The following ADCY5 variants were observed in gnomAD, a reference collection of about 807,000 sequenced individuals.
ADCY5 encodes adenylate cyclase type 5.
A neutral mutation model predicts 119.7 loss-of-function variants in ADCY5; 30 were observed. The observed-to-expected ratio is 0.25, with a 90% CI of 0.19 to 0.34. The LOEUF (loss-of-function observed/expected upper bound fraction) is 0.34, where lower values mean the gene tolerates loss of function less well. ADCY5 is among the 10% of genes least tolerant of loss of function. The pLI is 1.00. For synonymous variants in ADCY5, 753 were observed against 762.2 expected, an observed-to-expected ratio of 0.99 and a Z score of 0.20; for missense variants, 1,324 against 1,775.2, an observed-to-expected ratio of 0.75 and a Z score of 4.57.
At chr3:123,338,665 C>T (rs140394241) in intron 3 of ADCY5, among the ~76,000 whole-genome samples, 11 of 152,348 alleles carry the variant, frequency 7.2e-5, no homozygotes, top group Admixed American at 6.5e-4. Context: ...TGGCTGTGCA[C>T]GCTTCCCTAA....
chr3:123,399,670 T>C (rs951848352), intron 1 of ADCY5, among the ~76,000 whole-genome samples: 3 of 152,262 alleles, frequency 2.0e-5, no homozygotes, highest in Non-Finnish European at 2.9e-5. Flanking sequence ...GCTTCTTCGA[T>C]AGATACCTCC....
intron 1 of ADCY5, among the ~76,000 whole-genome samples, chr3:123,372,383 C>T (rs72626340): frequency 0.12 from 19,015 of 152,196 alleles, 3,075 homozygotes; most frequent in African/African-American, 0.36. Flanking sequence ...CAATGCCCAA[C>T]TGGGCAGGCT....
intron 1 of ADCY5, among the ~76,000 whole-genome samples, chr3:123,371,013 C>T (rs567459144): frequency 1.1e-4 from 16 of 152,332 alleles, no homozygotes; most frequent in African/African-American, 1.4e-4. Context: ...GGACTAAGCC[C>T]AGAAACCAGA....
intron 1 of ADCY5, among the ~76,000 whole-genome samples, chr3:123,397,135 A>G (rs1400713771): frequency 6.6e-6 from 1 of 152,186 alleles, no homozygotes; most frequent in East Asian, 1.9e-4. Context: ...GGGTGGAACT[A>G]GGTGGAAGGG....
At chr3:123,390,312 G>A (rs993119998) in intron 1 of ADCY5, among the ~76,000 whole-genome samples, 8 of 152,120 alleles carry the variant, frequency 5.3e-5, no homozygotes, top group Admixed American at 2.6e-4. Context: ...CCCCTTGATT[G>A]CCCAGTTTGG....
intron 1 of ADCY5, among the ~76,000 whole-genome samples, chr3:123,382,275 T>C (rs1013690133): frequency 2.6e-5 from 4 of 152,214 alleles, no homozygotes; most frequent in Admixed American, 6.5e-5. Context: ...AAGTATGAAG[T>C]GTTGGTGAGA....
At chr3:123,414,781 T>G (rs1945146752) in intron 1 of ADCY5, among the ~76,000 whole-genome samples, 1 of 152,150 alleles carries the variant, frequency 6.6e-6, no homozygotes, top group East Asian at 1.9e-4. Context: ...GGTCTCAAAC[T>G]CTTGACCTCA....
At chr3:123,440,582 A>G (rs1020863248) in intron 1 of ADCY5, among the ~76,000 whole-genome samples, 7 of 149,380 alleles carry the variant, frequency 4.7e-5, no homozygotes, top group Non-Finnish European at 4.4e-5. Context: ...TTTAAGGCAC[A>G]CTCCCCTTCC....
Position 123,352,318 on chromosome 3 carries a change from G to C in ADCY5, c.1284+114C>G. On this transcript the variant is annotated intron_variant, in intron 2 of 20. Transcript: ENST00000462833. The surrounding 1 kb of genome is among the most constrained non-coding windows in gnomAD (Gnocchi z 4.8). ...TCCCCATGGGTTGGTCCCCTCCCGG[G>C]GAGTGGGGCTGGCAGCCGTAATAAG... The C allele has an allele frequency of 7.5e-7, 1 of 1,342,138 alleles. No individual in the cohort carries two copies. The highest frequency in any genetic ancestry group is 1.5e-5 in the African/African-American group (1 of 68,628). The allele number at this position is 1,342,138 out of a possible 1,614,324, so 83.1% of individuals were successfully genotyped here. A position where few individuals can be genotyped will look rare whatever the true frequency, so the allele number is the denominator to read the frequency against.
At chr3:123,289,233 T>C (rs956517645) in intron 19 of ADCY5, among the ~76,000 whole-genome samples, 6 of 152,288 alleles carry the variant, frequency 3.9e-5, no homozygotes, top group Admixed American at 3.3e-4. Context: ...AACATGTTTA[T>C]ACATTGTGTA....
Position 123,286,470 on chromosome 3 carries a change from TGCAGAA to T in ADCY5, c.3657+209_3657+214del, listed in dbSNP as rs771822423. Among the ~76,000 whole-genome samples, 2 of 152,230 alleles carry T rather than the reference TGCAGAA, an allele frequency of 1.3e-5. No individual in the cohort carries two copies. Among genetic ancestry groups the T allele is most frequent in the Non-Finnish European group, 2.9e-5 (2 of 68,032 alleles). On this transcript the variant is annotated intron_variant, in intron 20 of 20. Coordinates refer to ENST00000462833, the MANE Select transcript of ADCY5 (RefSeq NM_183357.3). This position sits in a 1 kb window ranked among gnomAD's most constrained non-coding sequence, Gnocchi z 4.2. ...CCCTTCCATGCCCAGTAGAGGGCTC[TGCAGAA>T]GCCTGAAGATCTGTCCAAGGTGCTG... is the stretch of plus-strand genomic sequence containing the variant.
chr3:123,372,445 G>A (rs1943673607), intron 1 of ADCY5, among the ~76,000 whole-genome samples: 1 of 152,198 alleles, frequency 6.6e-6, no homozygotes, highest in African/African-American at 2.4e-5. Flanking sequence ...CAAGGAGATA[G>A]GAGAGTGTCC....
chr3:123,426,304 TTTTTTGTTTG>T lies in ADCY5; in HGVS notation c.1134+21098_1134+21107del, dbSNP rs1945408776. ...TTCTTTTTCTTTTCTTTTGTGTTTT[TTTTTTGTTTG>T]TTTTTGTTTGTTTGTTTGTTTGTTT... On this transcript the variant is annotated intron_variant, in intron 1 of 20. Transcript: ENST00000462833. 2.5e-4 allele frequency among the ~76,000 whole-genome samples: 2 copies of T among 8,024 alleles called. 1 individual carries two copies. Among genetic ancestry groups the T allele is most frequent in the South Asian group, 0.043 (2 of 46 alleles). 5.3% of individuals were successfully genotyped at this position (8,024 alleles called of 152,430 possible).
intron 1 of ADCY5, among the ~76,000 whole-genome samples, chr3:123,439,041 T>G (rs938379523): frequency 1.4e-5 from 2 of 143,588 alleles, no homozygotes; most frequent in African/African-American, 5.1e-5. Context: ...CACGAGCCAC[T>G]GTGCCTGGTC....
chr3:123,329,318 G>A (rs1236451765), intron 5 of ADCY5, among the ~76,000 whole-genome samples: 1 of 152,174 alleles, frequency 6.6e-6, no homozygotes, highest in Non-Finnish European at 1.5e-5. Context: ...CAAGGGTATG[G>A]CCTGCTCAGG....
intron 12 of ADCY5, among the ~76,000 whole-genome samples, chr3:123,313,762 C>T (rs1050739206): frequency 6.6e-6 from 1 of 152,334 alleles, no homozygotes; most frequent in African/African-American, 2.4e-5. Context: ...AAACACACTC[C>T]TCATCTATGT....
chr3:123,326,574 T>A (rs1364929758), intron 7 of ADCY5, among the ~76,000 whole-genome samples: 3 of 151,562 alleles, frequency 2.0e-5, no homozygotes, highest in Non-Finnish European at 4.4e-5. Context: ...GAGATGTGGG[T>A]AAAGAGCCTG....
intron 8 of ADCY5, among the ~76,000 whole-genome samples, chr3:123,324,798 T>TG (rs1488878275): frequency 6.6e-6 from 1 of 152,032 alleles, no homozygotes; most frequent in African/African-American, 2.4e-5. Flanking sequence ...CTGGCATTAG[T>TG]GGGGGGTCTT....
chr3:123,382,637 A>AGG (rs1944067990), intron 1 of ADCY5, among the ~76,000 whole-genome samples: 1 of 152,266 alleles, frequency 6.6e-6, no homozygotes, highest in African/African-American at 2.4e-5. Flanking sequence ...ATAAGCCTCA[A>AGG]AAACATTATG....
Sources: gnomAD v4.1 joint callset for allele counts (sites outside exome capture counted in the v4.1 genomes callset) on GRCh38, gnomAD v4.1.1 for gene constraint, Gnocchi (gnomAD v3.1) non-coding constraint, MANE v1.5 for transcripts, NCBI Gene and HGNC (gene_info 2026-07-23, HGNC 2026-07-21) for gene names.